The following PRDM5 variants were observed in gnomAD, a reference collection of about 807,000 sequenced individuals.
PRDM5 encodes the protein PR domain zinc finger protein 5.
A neutral mutation model predicts 81.2 loss-of-function variants in PRDM5; 56 were observed. The observed-to-expected ratio is 0.69, with a 90% CI of 0.56 to 0.86. PRDM5 has a LOEUF of 0.86. PRDM5 is among the 40% of genes least tolerant of loss of function. PRDM5 has a pLI of 0.00. For missense variants in PRDM5, 697 were observed against 770.1 expected, an observed-to-expected ratio of 0.91 and a Z score of 1.12; for synonymous variants, 267 against 256.4, an observed-to-expected ratio of 1.04 and a Z score of -0.39.
intron 14 of PRDM5, among the ~76,000 whole-genome samples, chr4:120,742,346 A>C (rs188451903): frequency 1.6e-4 from 25 of 152,184 alleles, no homozygotes; most frequent in Non-Finnish European, 2.8e-4. Flanking sequence ...GAACAGAAAA[A>C]CTGGAAACTC....
intron 13 of PRDM5, among the ~76,000 whole-genome samples, chr4:120,774,882 CTCT>C (rs1483297177): frequency 1.1e-5 from 1 of 91,918 alleles, no homozygotes; most frequent in East Asian, 2.8e-4. Flanking sequence ...CTCTCTCTCT[CTCT>C]TTCTATATAT....
chr4:120,753,681 G>A (rs1744315513), intron 14 of PRDM5, among the ~76,000 whole-genome samples: 1 of 151,690 alleles, frequency 6.6e-6, no homozygotes, highest in Admixed American at 6.6e-5. Context: ...TTCTAAAGGG[G>A]ATTAGATAAG....
intron 15 of PRDM5, among the ~76,000 whole-genome samples, chr4:120,706,924 TA>T (rs916258149): frequency 9.2e-5 from 14 of 151,486 alleles, no homozygotes; most frequent in Non-Finnish European, 1.9e-4. Flanking sequence ...TTGAATCAAA[TA>T]AAAAGCATAC....
intron 5 of PRDM5, among the ~76,000 whole-genome samples, chr4:120,817,963 T>A (rs1018935627): frequency 2.6e-5 from 4 of 152,290 alleles, no homozygotes; most frequent in Non-Finnish European, 4.4e-5. Flanking sequence ...AACTTTTTTT[T>A]AAACAGATTC....
At chr4:120,803,175 C>T (rs1008158973) in intron 8 of PRDM5, among the ~76,000 whole-genome samples, 9 of 152,052 alleles carry the variant, frequency 5.9e-5, no homozygotes, top group East Asian at 1.9e-4. Context: ...TAAAAAGAAA[C>T]GAACGAAGCC....
chr4:120,829,149 T>C (rs1756395362), intron 3 of PRDM5, among the ~76,000 whole-genome samples: 1 of 152,088 alleles, frequency 6.6e-6, no homozygotes, highest in Non-Finnish European at 1.5e-5. Context: ...AGCTGGAATA[T>C]ACAACCTTGT....
chr4:120,699,889 C>A (rs1482224758), intron 15 of PRDM5, among the ~76,000 whole-genome samples: 2 of 151,750 alleles, frequency 1.3e-5, no homozygotes, highest in Admixed American at 1.3e-4. Context: ...TATCAAACAA[C>A]CAATATCATT....
At chr4:120,734,333 G>C (rs1292946601) in intron 14 of PRDM5, among the ~76,000 whole-genome samples, 1 of 151,476 alleles carries the variant, frequency 6.6e-6, no homozygotes, top group Non-Finnish European at 1.5e-5. Flanking sequence ...GGATGCATTA[G>C]ACCAGAGATT....
intron 13 of PRDM5, among the ~76,000 whole-genome samples, 193 bp from the exon 14 acceptor site, chr4:120,754,831 T>C (rs1205040273): frequency 6.6e-6 from 1 of 152,182 alleles, no homozygotes; most frequent in African/African-American, 2.4e-5. Flanking sequence ...CCTCCCCTCC[T>C]GTGGAGAGGG....
chr4:120,852,235 C>T (rs1023034587), intron 3 of PRDM5, among the ~76,000 whole-genome samples: 1 of 152,158 alleles, frequency 6.6e-6, no homozygotes, highest in Non-Finnish European at 1.5e-5. Flanking sequence ...CAATAAAACA[C>T]GGTTCCCACC....
chr4:120,792,851 A>T (rs1054093333), intron 10 of PRDM5, among the ~76,000 whole-genome samples: 1 of 152,216 alleles, frequency 6.6e-6, no homozygotes, highest in African/African-American at 2.4e-5. Context: ...GTGGAATCTA[A>T]AAAGGCTGAA....
chr4:120,787,232 G>A (rs187101550), intron 10 of PRDM5, among the ~76,000 whole-genome samples: 590 of 152,174 alleles, frequency 3.9e-3, no homozygotes, highest in Non-Finnish European at 5.0e-3. Context: ...GTGGGTATTC[G>A]GGTGACCTAG....
intron 10 of PRDM5, among the ~76,000 whole-genome samples, chr4:120,793,275 G>A (rs1750850565): frequency 6.6e-6 from 1 of 152,120 alleles, no homozygotes; most frequent in Non-Finnish European, 1.5e-5. Context: ...TGCTCCTTAT[G>A]AGAATCTAAT....
chr4:120,689,637 C>T (rs116143680), downstream of PRDM5, among the ~76,000 whole-genome samples: 14,044 of 148,304 alleles, frequency 0.095, 741 homozygotes, highest in Admixed American at 0.14. Flanking sequence ...GACAGGGTTT[C>T]GCTCTGTTGC....
intron 2 of PRDM5, among the ~76,000 whole-genome samples, chr4:120,890,447 A>G (rs2148621360): frequency 6.6e-6 from 1 of 152,344 alleles, no homozygotes; most frequent in East Asian, 1.9e-4. Flanking sequence ...GTAGGAACGT[A>G]TATCTAAACC....
intron 15 of PRDM5, among the ~76,000 whole-genome samples, chr4:120,699,944 A>AAAATAAATAAATAAATAAGTAAAT (rs1735116767): frequency 6.7e-6 from 1 of 148,502 alleles, no homozygotes; most frequent in Admixed American, 6.7e-5. Context: ...ATATAGAACC[A>AAAATAAATAAATAAATAAGTAAAT]AAATAAATAA....
intron 2 of PRDM5, among the ~76,000 whole-genome samples, chr4:120,901,570 C>A (rs887893227): frequency 6.6e-6 from 1 of 152,150 alleles, no homozygotes. Context: ...GGAACCCTTA[C>A]GAGGCCACAG....
intron 2 of PRDM5, among the ~76,000 whole-genome samples, chr4:120,894,394 T>C (rs1315393816): frequency 1.3e-5 from 2 of 152,212 alleles, no homozygotes; most frequent in Non-Finnish European, 2.9e-5. Flanking sequence ...TGCTCTTCAC[T>C]CCTTTCTGCA....
At chr4:120,714,827 C>A (rs1578450500) in intron 14 of PRDM5, among the ~76,000 whole-genome samples, 1 of 152,202 alleles carries the variant, frequency 6.6e-6, no homozygotes, top group East Asian at 1.9e-4. Flanking sequence ...TGCTATCAAT[C>A]AAAGACTGTT....
Sources: gnomAD v4.1 joint callset for allele counts (sites outside exome capture counted in the v4.1 genomes callset) on GRCh38, gnomAD v4.1.1 for gene constraint, MANE v1.5 for transcripts, NCBI Gene and HGNC (gene_info 2026-07-23, HGNC 2026-07-21) for gene names.